The following ZNF487 variants were observed in gnomAD, a reference collection of about 807,000 sequenced individuals.
ZNF487 encodes the protein KRAB domain only 1.
A neutral mutation model predicts 3.0 loss-of-function variants in ZNF487; 4 were observed. The observed-to-expected ratio is 1.35, with a 90% CI of 0.66 to 3.08. The LOEUF (loss-of-function observed/expected upper bound fraction) is 3.08, where lower values mean the gene tolerates loss of function less well. ZNF487 is among the 30% of genes most tolerant of loss of function. ZNF487 has a pLI of 0.01. For missense variants in ZNF487, 146 were observed against 98.7 expected (o/e 1.48, Z -2.03); for synonymous variants, 55 against 34.6 (o/e 1.59, Z -2.06).
chr10:43,463,127 G>T (rs761088630), intron 1 of ZNF487, among the ~76,000 whole-genome samples: 1 of 151,982 alleles, frequency 6.6e-6, no homozygotes, highest in Non-Finnish European at 1.5e-5. Flanking sequence ...CCAGCTGCTC[G>T]GGAGGCTGTG....
At chr10:43,505,437 A>C in the ZNF487 span, among the ~76,000 whole-genome samples, 1 of 151,254 alleles carries the variant, frequency 6.6e-6, no homozygotes, top group Non-Finnish European at 1.5e-5. Flanking sequence ...GGTGTGCACC[A>C]CCATGCCCGG....
intron 1 of ZNF487, among the ~76,000 whole-genome samples, chr10:43,441,581 CAG>C (rs1839612497): frequency 6.8e-6 from 1 of 147,418 alleles, no homozygotes; most frequent in African/African-American, 2.5e-5. Flanking sequence ...TTTGTAGAGA[CAG>C]GGTTTTGCCA....
chr10:43,501,514 C>G, the ZNF487 span, among the ~76,000 whole-genome samples: 7 of 152,200 alleles, frequency 4.6e-5, no homozygotes, highest in African/African-American at 1.4e-4. Flanking sequence ...CTGAGGTGGG[C>G]AGATCACCTG....
At chr10:43,494,876 G>T in the ZNF487 span, among the ~76,000 whole-genome samples, 1 of 148,244 alleles carries the variant, frequency 6.7e-6, no homozygotes, top group African/African-American at 2.5e-5. Flanking sequence ...GGCAGAGGTT[G>T]CAGTGAGCCG....
rs1407121522 is a variant in ZNF487 at position 43,479,976 on chromosome 10, TTTCTTTCCTTCTTTC to T, written c.131-1450_131-1436del. Among the ~76,000 whole-genome samples the T allele has an allele frequency of 5.9e-3, 258 of 44,022 alleles. 7 individuals carry two copies. The highest frequency in any genetic ancestry group is 0.039 in the Middle Eastern group (3 of 76). 28.9% of individuals were successfully genotyped at this position (44,022 alleles called of 152,430 possible). A position where few individuals can be genotyped will look rare whatever the true frequency, so the allele number is the denominator to read the frequency against. On this transcript the variant is annotated intron_variant, in intron 3 of 3. Transcript: ENST00000437590. Reference sequence around the variant, plus strand: ...TGACTCTCTTTCTTTCTTTCTTTTCTTTCTTTCCTTCTTTCTTTCTTTCTTTCTTTCTTTCTTTCT... The same window carrying T: ...TGACTCTCTTTCTTTCTTTCTTTTCTTTTCTTTCTTTCTTTCTTTCTTTCT...
At chr10:43,505,105 G>A in the ZNF487 span, among the ~76,000 whole-genome samples, 11 of 151,418 alleles carry the variant, frequency 7.3e-5, no homozygotes, top group Admixed American at 2.6e-4. Context: ...CTGAGACCTC[G>A]AACTCCTGGG....
upstream of ZNF487, chr10:43,437,059 A>G (rs1457179363): frequency 4.4e-5 from 14 of 315,266 alleles, no homozygotes; most frequent in South Asian, 3.2e-4. Context: ...GGAGCGCTGG[A>G]CTGGCGGGCG....
chr10:43,512,608 C>G, the ZNF487 span, among the ~76,000 whole-genome samples: 3 of 152,142 alleles, frequency 2.0e-5, no homozygotes, highest in African/African-American at 7.2e-5. Context: ...TCGTGATTCA[C>G]CTATGGGGGC....
chr10:43,465,050 A>AC (rs140713998), intron 1 of ZNF487, among the ~76,000 whole-genome samples: 79,625 of 113,172 alleles, frequency 0.7, 28,287 homozygotes, highest in Non-Finnish European at 0.78. Context: ...CGGGGGGCTG[A>AC]CCCCCCCCAC....
At chr10:43,475,578 TG>T in intron 1 of ZNF487, 142 bp from the exon 2 acceptor site, 1 of 620,614 alleles carries the variant, frequency 1.6e-6, no homozygotes, top group Non-Finnish European at 2.9e-6. Context: ...TTTCCTACAA[TG>T]TATAATATCA....
intron 1 of ZNF487, among the ~76,000 whole-genome samples, chr10:43,455,152 G>GCGCCCGCCACCA: frequency 6.6e-6 from 1 of 151,680 alleles, no homozygotes; most frequent in South Asian, 2.1e-4. Context: ...GGAACTATAG[G>GCGCCCGCCACCA]CGCCCGCCAC....
chr10:43,459,804 A>G (rs1176278820), intron 1 of ZNF487, among the ~76,000 whole-genome samples: 1 of 110,358 alleles, frequency 9.1e-6, no homozygotes, highest in African/African-American at 5.2e-5. Context: ...TATTATTATT[A>G]TTATTATTAT....
chr10:43,487,747 C>T (rs972424913), downstream of ZNF487, among the ~76,000 whole-genome samples: 5 of 151,696 alleles, frequency 3.3e-5, no homozygotes, highest in Admixed American at 6.6e-5. Flanking sequence ...TCACTGTGCC[C>T]GGCCCGAACA....
upstream of ZNF487, chr10:43,437,090 C>T (rs1839413362): frequency 6.6e-6 from 2 of 301,194 alleles, no homozygotes; most frequent in Non-Finnish European, 1.3e-5. Flanking sequence ...GCGCAGGCCC[C>T]GCCCCTCGGC....
the ZNF487 span, among the ~76,000 whole-genome samples, chr10:43,521,686 G>A: frequency 2.6e-5 from 4 of 152,076 alleles, no homozygotes; most frequent in Non-Finnish European, 4.4e-5. Flanking sequence ...AGATGAATTT[G>A]TTGTCACAAA....
intron 1 of ZNF487, among the ~76,000 whole-genome samples, chr10:43,455,534 G>A (rs1840155479): frequency 6.6e-6 from 1 of 152,248 alleles, no homozygotes; most frequent in Non-Finnish European, 1.5e-5. Context: ...AACGCCTGAC[G>A]CGCCCCTTCC....
chr10:43,487,048 A>G (rs1369787000), downstream of ZNF487, among the ~76,000 whole-genome samples: 30 of 152,168 alleles, frequency 2.0e-4, no homozygotes, highest in Admixed American at 1.8e-3. Context: ...AAGTAAAAAG[A>G]TTAAGTGCCA....
At chr10:43,464,545 G>A (rs1322458721) in intron 1 of ZNF487, among the ~76,000 whole-genome samples, 3 of 152,110 alleles carry the variant, frequency 2.0e-5, no homozygotes, top group African/African-American at 7.2e-5. Context: ...GTGTCCCTGG[G>A]TACTTGAGAT....
chr10:43,466,590 A>G (rs187884203), intron 1 of ZNF487, among the ~76,000 whole-genome samples: 1 of 150,642 alleles, frequency 6.6e-6, no homozygotes, highest in African/African-American at 2.4e-5. Context: ...ATTAGTAGAG[A>G]CGGGGTTTCA....
Sources: allele counts gnomAD v4.1 joint callset (sites outside exome capture counted in the v4.1 genomes callset), GRCh38; gene constraint gnomAD v4.1.1; transcripts MANE v1.5; gene names NCBI Gene and HGNC (gene_info 2026-07-23, HGNC 2026-07-21).